The following PARD3B variants were observed in gnomAD, a reference collection of about 807,000 sequenced individuals.
PARD3B encodes the protein partitioning defective 3 homolog B.
PARD3B carries 103 observed loss-of-function variants against 130.2 expected under a neutral mutation model. The observed-to-expected ratio is 0.79, with a 90% CI of 0.67 to 0.93. The LOEUF (loss-of-function observed/expected upper bound fraction) is 0.93, where lower values mean the gene tolerates loss of function less well. Among genes scored for constraint, PARD3B ranks in the 40% least tolerant of loss-of-function variants. The probability of loss-of-function intolerance (pLI) is 0.00; values close to 1 mark genes in which losing one functional copy is unlikely to be tolerated. For synonymous variants in PARD3B, 583 were observed against 553.2 expected, an observed-to-expected ratio of 1.05 and a Z score of -0.76; for missense variants, 1,609 against 1,499.2, an observed-to-expected ratio of 1.07 and a Z score of -1.21.
intron 15 of PARD3B, among the ~76,000 whole-genome samples, chr2:205,203,836 T>G (rs1574377603): frequency 6.6e-6 from 1 of 152,384 alleles, no homozygotes; most frequent in African/African-American, 2.4e-5. Flanking sequence ...CCACATTTTC[T>G]TAATCCAGTC....
chr2:204,755,309 A>AG (rs2040620578), intron 2 of PARD3B, among the ~76,000 whole-genome samples: 1 of 152,094 alleles, frequency 6.6e-6, no homozygotes, highest in Admixed American at 6.6e-5. Flanking sequence ...GTCACCTGTT[A>AG]GGAAACTGTA....
chr2:204,962,782 A>G (rs1433048430), intron 2 of PARD3B, among the ~76,000 whole-genome samples: 1 of 152,296 alleles, frequency 6.6e-6, no homozygotes, highest in Admixed American at 6.5e-5. Context: ...GCAAGCAACC[A>G]TGGGAGCCAT....
At chr2:205,613,330 A>G (rs2055305218) in intron 22 of PARD3B, among the ~76,000 whole-genome samples, 1 of 152,246 alleles carries the variant, frequency 6.6e-6, no homozygotes, top group African/African-American at 2.4e-5. Context: ...TTTGAGAGAA[A>G]GTACAGGTTA....
At chr2:205,514,777 CTTCTT>C (rs1341416499) in intron 21 of PARD3B, among the ~76,000 whole-genome samples, 3 of 149,990 alleles carry the variant, frequency 2.0e-5, no homozygotes, top group African/African-American at 4.9e-5. Context: ...CTGAAAATTA[CTTCTT>C]TTATTTTATA....
At chr2:205,317,877 C>T (rs1161667618) in intron 18 of PARD3B, among the ~76,000 whole-genome samples, 1 of 152,086 alleles carries the variant, frequency 6.6e-6, no homozygotes, top group Non-Finnish European at 1.5e-5. Context: ...GCTGTCTGTT[C>T]TCCTAAGGCT....
intron 19 of PARD3B, among the ~76,000 whole-genome samples, chr2:205,438,742 A>T (rs748118533): frequency 2.0e-5 from 3 of 152,206 alleles, no homozygotes; most frequent in Non-Finnish European, 4.4e-5. Context: ...TCTTCCTTTC[A>T]TCTTAATTCA....
chr2:205,205,500 G>A (rs2037239352), intron 15 of PARD3B, among the ~76,000 whole-genome samples: 1 of 152,158 alleles, frequency 6.6e-6, no homozygotes, highest in African/African-American at 2.4e-5. Flanking sequence ...GGAGTGGTGA[G>A]AGAGGGCATC....
At chr2:205,571,085 C>T (rs1031994877) in intron 22 of PARD3B, among the ~76,000 whole-genome samples, 1 of 152,156 alleles carries the variant, frequency 6.6e-6, no homozygotes, top group Admixed American at 6.6e-5. Context: ...AGCATAGAGA[C>T]TTTAGCTGCT....
intron 4 of PARD3B, among the ~76,000 whole-genome samples, chr2:205,064,111 T>A (rs878895889): frequency 6.6e-6 from 1 of 152,180 alleles, no homozygotes; most frequent in Admixed American, 6.5e-5. Context: ...ACAGGTTAAA[T>A]TTTATAAGCT....
chr2:205,489,551 T>TATATATCCGTATATATATAC (rs1553524264), intron 20 of PARD3B, among the ~76,000 whole-genome samples: 1 of 138,494 alleles, frequency 7.2e-6, no homozygotes, highest in African/African-American at 2.7e-5. Context: ...TATATATGTA[T>TATATATCCGTATATATATAC]ATATATACAT....
intron 2 of PARD3B, among the ~76,000 whole-genome samples, chr2:204,827,358 G>A (rs986762483): frequency 1.3e-5 from 2 of 152,156 alleles, no homozygotes; most frequent in Admixed American, 6.6e-5. Flanking sequence ...AGTGACAGAG[G>A]TGAGGATTTG....
chr2:204,693,149 A>C (rs2037434244), intron 2 of PARD3B, among the ~76,000 whole-genome samples: 1 of 152,014 alleles, frequency 6.6e-6, no homozygotes, highest in Admixed American at 6.6e-5. Flanking sequence ...TTGAACTTGC[A>C]GTTATTTTAA....
At chr2:205,389,573 G>A (rs2045779514) in intron 18 of PARD3B, among the ~76,000 whole-genome samples, 1 of 152,106 alleles carries the variant, frequency 6.6e-6, no homozygotes, top group African/African-American at 2.4e-5. Context: ...ATGTTGGCCA[G>A]GCTGGTCTTG....
At position 204,546,044 on chromosome 2, in the gene PARD3B, C is replaced by G. The variant is rs928208415; in HGVS notation, c.45C>G (p.Pro15=). The G allele has an allele frequency of 2.6e-6, 4 of 1,566,886 alleles. No homozygotes were observed. Among genetic ancestry groups the G allele is most frequent in the Non-Finnish European group, 2.6e-6 (3 of 1,155,152 alleles). Reference sequence around the variant, plus strand: ...TCGGCAGGACGGGCATCGTGGTGCCCTGCAAGGAGGGCCAGCTGCGCGTCG... The same window carrying G: ...TCGGCAGGACGGGCATCGTGGTGCCGTGCAAGGAGGGCCAGCTGCGCGTCG... ...VCFGRTGIVV[P]CKEGQLRVGE... is the part of the protein sequence containing the mutation. The change falls in exon 1 of 23, where the codon CCC becomes CCG. Residue 15 remains proline (P), a synonymous_variant. Coordinates refer to ENST00000406610, the MANE Select transcript of PARD3B (RefSeq NM_001302769.2).
rs141178116 is a variant in PARD3B, at chr2:204,679,069, T to C, written c.121-7112T>C. Among the ~76,000 whole-genome samples, 803 of 152,364 alleles carry C rather than the reference T, an allele frequency of 5.3e-3. 3 individuals are homozygous for C. The highest frequency in any genetic ancestry group is 9.0e-3 in the Non-Finnish European group (612 of 68,038). On this transcript the variant is annotated intron_variant, in intron 1 of 22. Transcript: ENST00000406610. ...ATACAAAAGGTGCTTGTTTTGTATT[T>C]GGCTCTTTTTATGCAATTTCATGTT... is the stretch of plus-strand genomic sequence containing the variant.
intron 15 of PARD3B, among the ~76,000 whole-genome samples, chr2:205,210,957 A>G (rs1337419303): frequency 6.6e-6 from 1 of 152,100 alleles, no homozygotes; most frequent in Non-Finnish European, 1.5e-5. Flanking sequence ...GGGAAAATAG[A>G]TACTTTGCTT....
chr2:204,871,492 G>A (rs1215558667), intron 2 of PARD3B, among the ~76,000 whole-genome samples: 1 of 151,470 alleles, frequency 6.6e-6, no homozygotes, highest in Non-Finnish European at 1.5e-5. Context: ...ATTTTCAATG[G>A]GGGGAAAAAA....
intron 2 of PARD3B, among the ~76,000 whole-genome samples, chr2:204,925,847 T>G (rs981428408): frequency 6.6e-6 from 1 of 152,110 alleles, no homozygotes; most frequent in Admixed American, 6.6e-5. Flanking sequence ...CATTTTCCCC[T>G]GTGCTGTTTT....
chr2:205,184,747 T>C (rs1048812757), intron 13 of PARD3B, among the ~76,000 whole-genome samples: 39 of 150,616 alleles, frequency 2.6e-4, no homozygotes, highest in African/African-American at 9.6e-4. Flanking sequence ...ATCTCAAAAA[T>C]AATAATAATA....
Sources: gnomAD v4.1 joint callset for allele counts (sites outside exome capture counted in the v4.1 genomes callset) on GRCh38, gnomAD v4.1.1 for gene constraint, MANE v1.5 for transcripts, NCBI Gene and HGNC (gene_info 2026-07-23, HGNC 2026-07-21) for gene names.